Variants in SPIDR observed in about 807,000 individuals in gnomAD.
The protein encoded by SPIDR is scaffold protein involved in DNA repair, also known as DNA repair-scaffolding protein.
SPIDR carries 93 observed loss-of-function variants against 104.6 expected under a neutral mutation model. The ratio of observed to expected loss-of-function variants is 0.89; its 90% CI spans 0.75 to 1.06. The LOEUF (loss-of-function observed/expected upper bound fraction) is 1.06, where lower values mean the gene tolerates loss of function less well. Among genes scored for constraint, SPIDR ranks in the 50% least tolerant of loss-of-function variants. SPIDR has a pLI of 0.00. For synonymous variants in SPIDR, 431 were observed against 416.9 expected (o/e 1.03, Z -0.41); for missense variants, 1,154 against 1,111.2 (o/e 1.04, Z -0.55).
intron 10 of SPIDR, 74 bp from the exon 11 acceptor site, chr8:47,673,727 A>G: frequency 3.7e-6 from 6 of 1,600,922 alleles, no homozygotes; most frequent in Non-Finnish European, 5.1e-6. Context: ...TTTATAATGA[A>G]GAAGAGGGAA....
At position 47,518,705 on chromosome 8, in the gene SPIDR, C is replaced by T. The variant is rs139456345; in HGVS notation, c.1098-77106C>T. ...AGGCTGGAATGCAGTGGCGCAATCT[C>T]GGCTCACTGCAAGCTCTGCCTCCCG... On this transcript the variant is annotated intron_variant, in intron 8 of 19. Transcript: ENST00000297423. 1.9e-4 allele frequency among the ~76,000 whole-genome samples: 29 copies of T among 151,472 alleles called. 1 individual carries two copies. Among genetic ancestry groups the T allele is most frequent in the African/African-American group, 6.3e-4 (26 of 41,222 alleles).
chr8:47,658,700 C>T (rs1377905489), intron 10 of SPIDR, among the ~76,000 whole-genome samples: 2 of 151,694 alleles, frequency 1.3e-5, no homozygotes, highest in African/African-American at 2.4e-5. Flanking sequence ...TTTGGGAGGT[C>T]GAGGCCAGTG....
At chr8:47,345,877 G>A (rs2051877288) in intron 5 of SPIDR, among the ~76,000 whole-genome samples, 1 of 152,176 alleles carries the variant, frequency 6.6e-6, no homozygotes, top group Non-Finnish European at 1.5e-5. Flanking sequence ...AGACGATGGG[G>A]TTTTCTAAAT....
intron 8 of SPIDR, among the ~76,000 whole-genome samples, chr8:47,562,304 C>T (rs1451515661): frequency 6.6e-6 from 1 of 152,102 alleles, no homozygotes; most frequent in Non-Finnish European, 1.5e-5. Flanking sequence ...TTTAATATTA[C>T]CTGTGTAACA....
At chr8:47,518,531 A>G (rs1227257603) in intron 8 of SPIDR, among the ~76,000 whole-genome samples, 1 of 152,046 alleles carries the variant, frequency 6.6e-6, no homozygotes, top group African/African-American at 2.4e-5. Context: ...TGCTGAAGGC[A>G]TTGGGAAGCA....
At chr8:47,607,159 A>G (rs1416270820) in intron 10 of SPIDR, among the ~76,000 whole-genome samples, 2 of 152,208 alleles carry the variant, frequency 1.3e-5, no homozygotes, top group African/African-American at 4.8e-5. Flanking sequence ...TTCCTTTTCA[A>G]TGATTTGAAT....
chr8:47,657,272 G>T (rs1036536603), intron 10 of SPIDR, among the ~76,000 whole-genome samples: 2 of 152,002 alleles, frequency 1.3e-5, no homozygotes, highest in Non-Finnish European at 2.9e-5. Context: ...ACTTACCAGG[G>T]AATTGTGCTG....
At chr8:47,267,277 G>C (rs573206559) in intron 1 of SPIDR, among the ~76,000 whole-genome samples, 1 of 152,150 alleles carries the variant, frequency 6.6e-6, no homozygotes, top group African/African-American at 2.4e-5. Flanking sequence ...TCCCATCTCA[G>C]CTTCTCAAGG....
chr8:47,715,900 T>G (rs1168309681), intron 16 of SPIDR, among the ~76,000 whole-genome samples: 4 of 152,160 alleles, frequency 2.6e-5, no homozygotes, highest in African/African-American at 2.4e-5. Context: ...ATTTTTAACC[T>G]TTTTGAAGAA....
chr8:47,390,591 A>T lies in SPIDR; in HGVS notation c.526-5785A>T, dbSNP rs1319934406. ...TATAGGACATATCAACCATACCATT[A>T]AAAAAAAAAAAAACTAAAGAAAAAC... On this transcript the variant is annotated intron_variant, in intron 5 of 19. Transcript: ENST00000297423. 4.6e-4 allele frequency among the ~76,000 whole-genome samples: 61 copies of T among 133,886 alleles called. 1 individual carries two copies. The highest frequency in any genetic ancestry group is 4.6e-4 in the Non-Finnish European group (29 of 63,572). 87.8% of individuals were successfully genotyped at this position (133,886 alleles called of 152,430 possible).
chr8:47,690,107 T>C (rs1246968968), intron 11 of SPIDR, among the ~76,000 whole-genome samples: 1 of 152,080 alleles, frequency 6.6e-6, no homozygotes, highest in Non-Finnish European at 1.5e-5. Context: ...ACAGATTTTG[T>C]GTGGTAGTGT....
chr8:47,585,907 A>G (rs564031546), intron 8 of SPIDR, among the ~76,000 whole-genome samples: 26 of 152,294 alleles, frequency 1.7e-4, no homozygotes, highest in African/African-American at 6.0e-4. Context: ...CCACCTCTCA[A>G]TACTGCCACA....
At chr8:47,589,533 A>AC (rs1019042082) in intron 8 of SPIDR, among the ~76,000 whole-genome samples, 8 of 152,186 alleles carry the variant, frequency 5.3e-5, no homozygotes, top group East Asian at 1.9e-4. Context: ...TCAAAACAAA[A>AC]AAAAAAAATT....
rs575683863 is a variant in SPIDR at position 47,726,223 on chromosome 8, A to T, written c.2342-977A>T. 1.2e-3 allele frequency among the ~76,000 whole-genome samples: 176 copies of T among 152,388 alleles called. 1 individual carries two copies. Among genetic ancestry groups the T allele is most frequent in the African/African-American group, 4.1e-3 (172 of 41,598 alleles). Reference sequence around the variant, plus strand: ...ATCAAGATCTATTATTTTCATTTTTAAAAAGTCATTCAAGTATGCATTGCA... The same window carrying T: ...ATCAAGATCTATTATTTTCATTTTTTAAAAGTCATTCAAGTATGCATTGCA... On this transcript the variant is annotated intron_variant, in intron 16 of 19. Coordinates refer to ENST00000297423, the MANE Select transcript of SPIDR (RefSeq NM_001080394.4).
At chr8:47,480,808 A>G (rs1554726535) in intron 8 of SPIDR, among the ~76,000 whole-genome samples, 3 of 152,194 alleles carry the variant, frequency 2.0e-5, no homozygotes, top group African/African-American at 7.2e-5. Context: ...AGGCCCTATG[A>G]GAGGTTTCTT....
chr8:47,471,599 C>A (rs527354598), intron 8 of SPIDR, among the ~76,000 whole-genome samples: 2 of 151,890 alleles, frequency 1.3e-5, no homozygotes, highest in Non-Finnish European at 2.9e-5. Context: ...GAAAACAGTT[C>A]GGGAAATGAA....
intron 5 of SPIDR, among the ~76,000 whole-genome samples, chr8:47,364,451 T>A (rs1233924003): frequency 3.3e-5 from 5 of 152,214 alleles, no homozygotes; most frequent in African/African-American, 4.8e-5. Flanking sequence ...GTGTTTTTGA[T>A]GCAGAGCTTC....
rs1363885581 is a variant in SPIDR, at chr8:47,735,325, G to A, written c.2623G>A (p.Val875Ile). The change falls in exon 20 of 20, where the codon GTC becomes ATC. Residue 875 changes from valine to isoleucine, a missense_variant. Coordinates refer to ENST00000297423, the MANE Select transcript of SPIDR (RefSeq NM_001080394.4). Reference protein sequence around the residue: ...GEDGSYEVKSVLGKEVGLLNC... With the variant: ...GEDGSYEVKSILGKEVGLLNC... ...ACTGCAGAGCTACGAAGTGAAGAGTGTCCTCGGAAAGGAAGTGGGGTTGTT... is the reference window on the plus strand; with the variant it reads ...ACTGCAGAGCTACGAAGTGAAGAGTATCCTCGGAAAGGAAGTGGGGTTGTT... 1 of 1,613,940 alleles carries A rather than the reference G, an allele frequency of 6.2e-7. No homozygotes were observed. Among genetic ancestry groups the A allele is most frequent in the Non-Finnish European group, 8.5e-7 (1 of 1,179,970 alleles).
intron 10 of SPIDR, among the ~76,000 whole-genome samples, chr8:47,611,122 C>T (rs1274764638): frequency 1.3e-5 from 2 of 152,122 alleles, no homozygotes; most frequent in African/African-American, 4.8e-5. Flanking sequence ...GGCTCCCCTT[C>T]TCTTCTCAGG....
Sources: allele counts gnomAD v4.1 joint callset (sites outside exome capture counted in the v4.1 genomes callset), GRCh38; gene constraint gnomAD v4.1.1; transcripts MANE v1.5; gene names NCBI Gene and HGNC (gene_info 2026-07-23, HGNC 2026-07-21).